The following WDFY4 variants were observed in gnomAD, a reference collection of about 807,000 sequenced individuals.
The protein encoded by WDFY4 is WD repeat- and FYVE domain-containing protein 4.
In WDFY4, 169 loss-of-function variants were observed where a neutral mutation model predicts 351.9. The ratio of observed to expected loss-of-function variants is 0.48; its 90% confidence interval spans 0.42 to 0.55. The LOEUF is 0.55. Ranked by LOEUF, WDFY4 falls within the 20% of genes least tolerant of loss-of-function variation. The pLI is 0.00. For missense variants in WDFY4, 3,803 were observed against 3,935.6 expected (o/e 0.97, Z 0.90); for synonymous variants, 1,622 against 1,574.6 (o/e 1.03, Z -0.71).
chr10:48,774,682 G>C lies in WDFY4; in HGVS notation c.2768+10G>C. 1 of 1,551,586 alleles carries C rather than the reference G, an allele frequency of 6.4e-7. No homozygotes were observed. Among genetic ancestry groups the C allele is most frequent in the African/African-American group, 1.4e-5 (1 of 73,176 alleles). ...AACCGGATGTGCTAAGGTACCACAT[G>C]CTGCATATTCAGTGCCGCCAAGCTG... On this transcript the variant is annotated intron_variant, in intron 14 of 61. Transcript: ENST00000325239.
rs1053081305 is a variant in WDFY4, at chr10:48,943,357, C to T, written c.7657C>T (p.Leu2553Phe). ...AAGGGACATCAGCAATTTTGAGTAT[C>T]TCATGTACCTCAACACCGCGGCTGG... ...QKRDISNFEY[L>F]MYLNTAAGRT... is the part of the protein sequence containing the mutation. The change falls in exon 49 of 62, where the codon CTC becomes TTC. Residue 2553 changes from leucine to phenylalanine, a missense_variant. Leu to Phe is a conservative substitution (Grantham distance 22). This residue lies in a region of WDFY4 where 3,054 missense variants were observed against 3,148.6 expected (regional missense o/e 0.97). Transcript: ENST00000325239. 45 of 1,551,622 alleles carry T rather than the reference C, an allele frequency of 2.9e-5. No homozygotes were observed. Among genetic ancestry groups the T allele is most frequent in the Non-Finnish European group, 3.7e-5 (42 of 1,147,002 alleles).
At position 48,838,015 on chromosome 10, in the gene WDFY4, G is replaced by A. The variant is rs546460948; in HGVS notation, c.6663+5306G>A. On this transcript the variant is annotated intron_variant, in intron 39 of 61. Transcript: ENST00000325239. Reference sequence around the variant, plus strand: ...CACAATTCCATGGCTTTAGGAGATAGCTGAGCAAGCTTCCAGTTGCTGTTT... The same window carrying A: ...CACAATTCCATGGCTTTAGGAGATAACTGAGCAAGCTTCCAGTTGCTGTTT... Among the ~76,000 whole-genome samples, 9 of 152,342 alleles carry A rather than the reference G, an allele frequency of 5.9e-5. 1 individual carries two copies. The South Asian group carries it at 1.9e-3, about 32-fold the overall frequency.
intron 35 of WDFY4, among the ~76,000 whole-genome samples, chr10:48,825,183 C>T (rs1276362935): frequency 6.6e-6 from 1 of 152,192 alleles, no homozygotes; most frequent in Non-Finnish European, 1.5e-5. Context: ...CATTGTTCAG[C>T]TCACACTTTA....
chr10:48,881,274 G>A (rs776111234), intron 43 of WDFY4, among the ~76,000 whole-genome samples: 10 of 152,270 alleles, frequency 6.6e-5, no homozygotes, highest in Non-Finnish European at 8.8e-5. Flanking sequence ...CCCAAGGGCC[G>A]TGTCAAGGGA....
At position 48,897,486 on chromosome 10, in the gene WDFY4, G is replaced by A. The variant is rs1418052912; in HGVS notation, c.7349G>A (p.Ser2450Asn). 1.9e-6 allele frequency: 3 copies of A among 1,551,704 alleles called. No homozygotes were observed. Among genetic ancestry groups the A allele is most frequent in the Non-Finnish European group, 2.6e-6 (3 of 1,147,046 alleles). The part of the protein sequence containing the change: ...ISDPFIFNLC[S>N]KDRSTDHYSC... ...GATCCGTTCATTTTCAACCTGTGCAGCAAAGACAGGTCCACTGACCATTAC... is the reference window on the plus strand; with the variant it reads ...GATCCGTTCATTTTCAACCTGTGCAACAAAGACAGGTCCACTGACCATTAC... The change falls in exon 45 of 62, where the codon AGC becomes AAC. Residue 2450 changes from serine to asparagine, a missense_variant. Ser to Asn is a conservative substitution (Grantham distance 46, BLOSUM62 1). This residue lies in a region of WDFY4 where 3,054 missense variants were observed against 3,148.6 expected (regional missense o/e 0.97). Coordinates refer to ENST00000325239, the MANE Select transcript of WDFY4 (RefSeq NM_001394531.1).
intron 13 of WDFY4, among the ~76,000 whole-genome samples, chr10:48,771,180 A>G (rs1244325950): frequency 1.3e-5 from 2 of 152,242 alleles, no homozygotes; most frequent in African/African-American, 4.8e-5. Context: ...TTGTTGATGA[A>G]CAGTGTAAAT....
intron 55 of WDFY4, chr10:48,967,822 T>C (rs1842153296): frequency 6.6e-6 from 1 of 152,262 alleles, no homozygotes; most frequent in South Asian, 2.1e-4. Flanking sequence ...AGTATGAAGT[T>C]AAGTTTTCAA....
chr10:48,908,627 AT>A (rs61333667), intron 47 of WDFY4, among the ~76,000 whole-genome samples: 231 of 149,550 alleles, frequency 1.5e-3, no homozygotes, highest in Admixed American at 1.5e-3. Flanking sequence ...AGGCTGTAAG[AT>A]TTTTTTTTTT....
chr10:48,942,379 CGT>C (rs3081534), intron 48 of WDFY4, among the ~76,000 whole-genome samples: 2 of 151,048 alleles, frequency 1.3e-5, no homozygotes, highest in African/African-American at 4.9e-5. Flanking sequence ...TGCGTGTGTG[CGT>C]GTGTGTGTGT....
intron 22 of WDFY4, among the ~76,000 whole-genome samples, chr10:48,790,387 C>A (rs2066638212): frequency 6.6e-6 from 1 of 152,246 alleles, no homozygotes; most frequent in South Asian, 2.1e-4. Context: ...ATCTAGAGGA[C>A]AGGCAAGAGC....
At chr10:48,690,754 T>C (rs2063171004) in intron 1 of WDFY4, among the ~76,000 whole-genome samples, 2 of 152,144 alleles carry the variant, frequency 1.3e-5, no homozygotes, top group Non-Finnish European at 2.9e-5. Flanking sequence ...CAGCTGGTCA[T>C]CCAGTCGTCT....
rs4088645 is a variant in WDFY4 at position 48,835,708 on chromosome 10, C to T, written c.6663+2999C>T. Among the ~76,000 whole-genome samples, 232 of 152,332 alleles carry T rather than the reference C, an allele frequency of 1.5e-3. 1 individual carries two copies. Among genetic ancestry groups the T allele is most frequent in the African/African-American group, 5.2e-3 (217 of 41,574 alleles). ...GTGGGATAAATTTTTGAGCCACCTA[C>T]GCATACAAATGCATACATACATACC... On this transcript the variant is annotated intron_variant, in intron 39 of 61. Transcript: ENST00000325239.
intron 13 of WDFY4, among the ~76,000 whole-genome samples, chr10:48,771,760 C>G (rs563378422): frequency 3.3e-5 from 5 of 152,198 alleles, no homozygotes; most frequent in Non-Finnish European, 7.3e-5. Flanking sequence ...CCCTTGAAAG[C>G]AGGGACAGTG....
intron 13 of WDFY4, among the ~76,000 whole-genome samples, chr10:48,773,526 G>C (rs1182916330): frequency 6.6e-6 from 1 of 152,176 alleles, no homozygotes; most frequent in Non-Finnish European, 1.5e-5. Flanking sequence ...TGTGGTATTA[G>C]GCTCAAATAT....
At chr10:48,824,364 A>C (rs781100802) in intron 35 of WDFY4, among the ~76,000 whole-genome samples, 3 of 152,244 alleles carry the variant, frequency 2.0e-5, no homozygotes, top group Non-Finnish European at 4.4e-5. Flanking sequence ...GAATACTATA[A>C]GTATTCTATG....
rs575364842 is a variant in WDFY4, at chr10:48,698,937, C to T, written c.-17-10779C>T. On this transcript the variant is annotated intron_variant, in intron 1 of 61. Coordinates refer to ENST00000325239, the MANE Select transcript of WDFY4 (RefSeq NM_001394531.1). ...GACTGGAGACTCAGGGAAGGGTTGC[C>T]GTGAGTCCGAAATCAGTCCGCTGGC... Among the ~76,000 whole-genome samples the T allele has an allele frequency of 3.9e-5, 6 of 152,296 alleles. No homozygotes were observed. The East Asian group carries it at 1.2e-3, about 29-fold the overall frequency.
At position 48,804,127 on chromosome 10, in the gene WDFY4, G is replaced by A. The variant is rs138909027; in HGVS notation, c.4484+768G>A. ...AGTTAGAAAGTGGTAGTTCCCAAAG[G>A]GAGCCAGGGGCTGTGTTCAGAATAA... On this transcript the variant is annotated intron_variant, in intron 25 of 61. Transcript: ENST00000325239. Among the ~76,000 whole-genome samples, 809 of 152,332 alleles carry A rather than the reference G, an allele frequency of 5.3e-3. 5 individuals carry two copies. Among genetic ancestry groups the A allele is most frequent in the African/African-American group, 0.019 (779 of 41,568 alleles).
chr10:48,946,021 C>G lies in WDFY4; in HGVS notation c.7750-19C>G. The G allele has an allele frequency of 6.6e-7, 1 of 1,511,194 alleles. No individual in the cohort carries two copies. The highest frequency in any genetic ancestry group is 8.9e-7 in the Non-Finnish European group (1 of 1,126,216). The allele number at this position is 1,511,194 out of a possible 1,614,324, so 93.6% of individuals were successfully genotyped here. A position where few individuals can be genotyped will look rare whatever the true frequency, so the allele number is the denominator to read the frequency against. On this transcript the variant is annotated intron_variant, in intron 49 of 61. Coordinates refer to ENST00000325239, the MANE Select transcript of WDFY4 (RefSeq NM_001394531.1). The stretch of plus-strand genomic sequence containing the variant: ...AGCGGGTCTGGGGAGTTAACTCCAG[C>G]TGCACATCTGCCTTCTAGACATTGA...
intron 13 of WDFY4, among the ~76,000 whole-genome samples, chr10:48,763,324 G>A (rs1871606): frequency 0.98 from 148,665 of 152,374 alleles, 72,642 homozygotes; most frequent in East Asian, 1. Context: ...AGCTTAAGAT[G>A]TGTTGGATCT....
Sources: gnomAD v4.1 joint callset for allele counts (sites outside exome capture counted in the v4.1 genomes callset) on GRCh38, gnomAD v4.1.1 for gene constraint, gnomAD v4.1.1 regional missense constraint, MANE v1.5 for transcripts, NCBI Gene and HGNC (gene_info 2026-07-23, HGNC 2026-07-21) for gene names.